The following WWOX variants were observed in gnomAD, a reference collection of about 807,000 sequenced individuals.
The protein encoded by WWOX is WW domain-containing oxidoreductase.
WWOX carries 69 observed loss-of-function variants against 46.2 expected under a neutral mutation model. The observed-to-expected ratio is 1.49, with a 90% confidence interval of 1.23 to 1.82. The LOEUF (loss-of-function observed/expected upper bound fraction) is 1.82, where lower values mean the gene tolerates loss of function less well. WWOX is among the 40% of genes most tolerant of loss of function. WWOX has a pLI of 0.00. For missense variants in WWOX, 919 were observed against 542.6 expected (o/e 1.69, Z -6.89); for synonymous variants, 359 against 202.6 (o/e 1.77, Z -6.56).
intron 8 of WWOX, among the ~76,000 whole-genome samples, chr16:79,010,406 T>C (rs998492403): frequency 6.6e-6 from 1 of 152,036 alleles, no homozygotes; most frequent in Non-Finnish European, 1.5e-5. Flanking sequence ...AAAGGACCTA[T>C]GTTTGCTAAT....
chr16:78,737,382 C>T (rs1005328604), intron 8 of WWOX, among the ~76,000 whole-genome samples: 2 of 151,994 alleles, frequency 1.3e-5, no homozygotes, highest in African/African-American at 4.8e-5. Flanking sequence ...AATGATCCGC[C>T]TGCCTCAGCC....
At chr16:78,893,211 G>T (rs1453834411) in intron 8 of WWOX, among the ~76,000 whole-genome samples, 2 of 151,990 alleles carry the variant, frequency 1.3e-5, no homozygotes, top group Non-Finnish European at 2.9e-5. Flanking sequence ...AAAAAGTGGG[G>T]ATGCCCCTCT....
chr16:78,441,505 C>T (rs2083443635), intron 8 of WWOX, among the ~76,000 whole-genome samples: 1 of 152,104 alleles, frequency 6.6e-6, no homozygotes, highest in Admixed American at 6.5e-5. Context: ...GTCCCCCAGG[C>T]TCATGGTCAA....
rs769464007 is a variant in WWOX, at chr16:79,211,882, C to T, written c.*86C>T. On this transcript the variant is annotated 3_prime_UTR_variant, in exon 9 of 9. Transcript: ENST00000566780. ...CCAGGGCTGGGCCCCTTCCAAATGT[C>T]CCTCCAACACAGATCCGCAAGAGTA... is the stretch of plus-strand genomic sequence containing the variant. 6.3e-7 allele frequency: 1 copy of T among 1,583,270 alleles called. No individual in the cohort carries two copies. The highest frequency in any genetic ancestry group is 1.3e-5 in the African/African-American group (1 of 74,384).
At position 78,804,177 on chromosome 16, in the gene WWOX, C is replaced by G. The variant is rs578067933; in HGVS notation, c.1056+371425C>G. 7.2e-5 allele frequency among the ~76,000 whole-genome samples: 11 copies of G among 152,178 alleles called. No individual in the cohort carries two copies. The East Asian group carries it at 1.9e-3, about 27-fold the overall frequency. On this transcript the variant is annotated intron_variant, in intron 8 of 8. Coordinates refer to ENST00000566780, the MANE Select transcript of WWOX (RefSeq NM_016373.4). ...AACTTTTTAATAAGGGCTGGGGGTCCTCTTGAAGAGCCCAGGAACTGCAGT... is the reference window on the plus strand; with the variant it reads ...AACTTTTTAATAAGGGCTGGGGGTCGTCTTGAAGAGCCCAGGAACTGCAGT...
intron 8 of WWOX, among the ~76,000 whole-genome samples, chr16:79,190,829 A>G (rs369455065): frequency 2.0e-5 from 3 of 152,376 alleles, no homozygotes; most frequent in Admixed American, 6.5e-5. Context: ...TTATAAATGT[A>G]GAGCCTGCAA....
At chr16:78,574,942 A>G (rs1008308642) in intron 8 of WWOX, among the ~76,000 whole-genome samples, 21 of 137,380 alleles carry the variant, frequency 1.5e-4, no homozygotes, top group African/African-American at 4.7e-4. Context: ...CACAATGTAT[A>G]TAGTAATCAA....
chr16:78,358,922 A>G (rs971795195), intron 5 of WWOX, among the ~76,000 whole-genome samples: 2 of 145,574 alleles, frequency 1.4e-5, no homozygotes, highest in African/African-American at 5.1e-5. Flanking sequence ...ATGTCAATAC[A>G]TACTGTTTGG....
At chr16:78,979,204 C>T (rs1205690326) in intron 8 of WWOX, among the ~76,000 whole-genome samples, 1 of 151,540 alleles carries the variant, frequency 6.6e-6, no homozygotes, top group African/African-American at 2.4e-5. Context: ...AAAAAGAATT[C>T]ACATTATTAG....
Position 79,180,461 on chromosome 16 carries a change from A to G in WWOX, c.1057-31147A>G, listed in dbSNP as rs528669877. Among the ~76,000 whole-genome samples, 9 of 152,244 alleles carry G rather than the reference A, an allele frequency of 5.9e-5. No homozygotes were observed. The South Asian group carries it at 1.9e-3, about 32-fold the overall frequency. ...AATGGACATAAAGCCTGGGGTGGTGATGGTGCTGCCTCTGTAACCAGGCTC... is the reference window on the plus strand; with the variant it reads ...AATGGACATAAAGCCTGGGGTGGTGGTGGTGCTGCCTCTGTAACCAGGCTC... On this transcript the variant is annotated intron_variant, in intron 8 of 8. Coordinates refer to ENST00000566780, the MANE Select transcript of WWOX (RefSeq NM_016373.4).
chr16:78,732,002 A>G (rs1380995399), intron 8 of WWOX, among the ~76,000 whole-genome samples: 1 of 151,970 alleles, frequency 6.6e-6, no homozygotes, highest in East Asian at 1.9e-4. Flanking sequence ...ATGCACTACC[A>G]TGCCCAGTGA....
chr16:78,211,467 G>A (rs1366885296), intron 5 of WWOX, among the ~76,000 whole-genome samples: 1 of 152,098 alleles, frequency 6.6e-6, no homozygotes, highest in African/African-American at 2.4e-5. Flanking sequence ...GTGTATGAGT[G>A]CAAGAGAGAG....
chr16:78,659,454 G>A (rs1357591233), intron 8 of WWOX, among the ~76,000 whole-genome samples: 1 of 152,094 alleles, frequency 6.6e-6, no homozygotes, highest in Non-Finnish European at 1.5e-5. Flanking sequence ...GAAACTCTGG[G>A]AGTAGGGCTC....
chr16:78,762,656 A>G (rs922934484), intron 8 of WWOX, among the ~76,000 whole-genome samples: 2 of 152,018 alleles, frequency 1.3e-5, no homozygotes, highest in African/African-American at 4.8e-5. Context: ...GTTGGAGCTT[A>G]CTCCTAAGCT....
intron 8 of WWOX, among the ~76,000 whole-genome samples, chr16:78,971,483 T>G (rs549505862): frequency 1.4e-4 from 20 of 143,760 alleles, no homozygotes; most frequent in Non-Finnish European, 9.0e-5. Context: ...AAGAGAGAGA[T>G]AGGCTGTTTA....
At chr16:79,077,253 T>G (rs2048675119) in intron 8 of WWOX, 1 of 152,130 alleles carries the variant, frequency 6.6e-6, no homozygotes, top group Non-Finnish European at 1.5e-5. Context: ...TATTAAAATG[T>G]GCCAAAGTAA....
chr16:79,110,707 A>G (rs1344887674), intron 8 of WWOX: 2 of 152,188 alleles, frequency 1.3e-5, no homozygotes, highest in African/African-American at 4.8e-5. Context: ...AGCCACTTTC[A>G]ACAATTCTGA....
intron 8 of WWOX, among the ~76,000 whole-genome samples, chr16:78,933,924 G>T (rs570800656): frequency 6.6e-6 from 1 of 152,072 alleles, no homozygotes; most frequent in Non-Finnish European, 1.5e-5. Flanking sequence ...GGGTGAAGTG[G>T]CTCGCACCTG....
intron 8 of WWOX, among the ~76,000 whole-genome samples, chr16:78,452,682 G>A (rs1233080121): frequency 6.6e-6 from 1 of 151,622 alleles, no homozygotes; most frequent in Non-Finnish European, 1.5e-5. Context: ...TACCATGTTG[G>A]CCAGGCTGGT....
Sources: gnomAD v4.1 joint callset for allele counts (sites outside exome capture counted in the v4.1 genomes callset) on GRCh38, gnomAD v4.1.1 for gene constraint, MANE v1.5 for transcripts, NCBI Gene and HGNC (gene_info 2026-07-23, HGNC 2026-07-21) for gene names.